Variants in TRPM3 observed in about 807,000 individuals in gnomAD.
TRPM3 encodes the protein transient receptor potential cation channel subfamily M member 3.
Under a neutral mutation model 181.2 loss-of-function variants are expected in TRPM3, and 77 were observed. The ratio of observed to expected loss-of-function variants is 0.42; its 90% CI spans 0.35 to 0.51. The LOEUF is 0.51. Ranked by LOEUF, TRPM3 falls within the 20% of genes least tolerant of loss-of-function variation. The probability of loss-of-function intolerance (pLI) is 0.01; values close to 1 mark genes in which losing one functional copy is unlikely to be tolerated. For synonymous variants in TRPM3, 745 were observed against 796.4 expected (o/e 0.94, Z 1.09); for missense variants, 1,759 against 2,196.7 (o/e 0.80, Z 3.98).
intron 8 of TRPM3, among the ~76,000 whole-genome samples, chr9:70,755,625 C>G (rs1664539061): frequency 6.6e-6 from 1 of 152,048 alleles, no homozygotes; most frequent in Admixed American, 6.6e-5. Flanking sequence ...CCTCGGCCTC[C>G]CAAAGTGCTG....
chr9:71,289,158 T>TGA (rs369616489), intron 1 of TRPM3, among the ~76,000 whole-genome samples: 24,009 of 145,648 alleles, frequency 0.16, 2,002 homozygotes, highest in Non-Finnish European at 0.2. Flanking sequence ...AACAAAACAG[T>TGA]GAGAGAGAGA....
chr9:71,380,651 T>C (rs2092778197), intron 1 of TRPM3, among the ~76,000 whole-genome samples: 1 of 152,102 alleles, frequency 6.6e-6, no homozygotes, highest in African/African-American at 2.4e-5. Flanking sequence ...CTGATTATTA[T>C]TTCATATTAT....
intron 1 of TRPM3, among the ~76,000 whole-genome samples, chr9:71,075,420 A>T (rs2063325931): frequency 6.6e-6 from 1 of 152,180 alleles, no homozygotes; most frequent in South Asian, 2.1e-4. Context: ...AGTAGGGGCT[A>T]ATGTTAGAAG....
chr9:70,853,724 A>C (rs1589253253), intron 3 of TRPM3, among the ~76,000 whole-genome samples: 1 of 152,224 alleles, frequency 6.6e-6, no homozygotes, highest in African/African-American at 2.4e-5. Flanking sequence ...TGCAAGTAGC[A>C]CAAACAACGG....
chr9:71,253,927 AT>A (rs1216253198), intron 1 of TRPM3, among the ~76,000 whole-genome samples: 1 of 151,952 alleles, frequency 6.6e-6, no homozygotes, highest in Admixed American at 6.6e-5. Context: ...TGGATAAATT[AT>A]TATTATTATT....
chr9:70,548,590 C>T (rs944131543), intron 25 of TRPM3, among the ~76,000 whole-genome samples: 3 of 152,166 alleles, frequency 2.0e-5, no homozygotes, highest in Non-Finnish European at 4.4e-5. Context: ...TATGTTAGGC[C>T]TTTCTACACT....
chr9:70,606,313 A>AT (rs1564528094), intron 19 of TRPM3, among the ~76,000 whole-genome samples: 1 of 151,666 alleles, frequency 6.6e-6, no homozygotes, highest in Non-Finnish European at 1.5e-5. Context: ...CTTCCCTTTG[A>AT]TCCCCAATTA....
intron 22 of TRPM3, among the ~76,000 whole-genome samples, chr9:70,587,209 A>G (rs927500569): frequency 6.6e-6 from 1 of 152,210 alleles, no homozygotes; most frequent in African/African-American, 2.4e-5. Context: ...TTAAGTTGTC[A>G]TGGTAGAAAG....
intron 7 of TRPM3, among the ~76,000 whole-genome samples, chr9:70,767,322 G>A (rs2079337361): frequency 6.6e-6 from 1 of 152,150 alleles, no homozygotes; most frequent in South Asian, 2.1e-4. Context: ...ACATCTGCTT[G>A]CTCATTCATT....
intron 1 of TRPM3, among the ~76,000 whole-genome samples, chr9:71,332,699 C>A (rs1216769171): frequency 6.6e-6 from 1 of 151,632 alleles, no homozygotes; most frequent in Non-Finnish European, 1.5e-5. Context: ...CACCATTGAG[C>A]ATTCATATAC....
intron 8 of TRPM3, among the ~76,000 whole-genome samples, chr9:70,740,163 G>A (rs2073739349): frequency 6.6e-6 from 1 of 152,068 alleles, no homozygotes; most frequent in Admixed American, 6.6e-5. Flanking sequence ...CAGTAGCTCT[G>A]CCATACACCA....
intron 1 of TRPM3, among the ~76,000 whole-genome samples, chr9:71,205,119 T>C (rs1017532593): frequency 3.3e-5 from 5 of 151,916 alleles, no homozygotes; most frequent in African/African-American, 4.8e-5. Flanking sequence ...TGTTAAATGA[T>C]GAGTTAATGG....
intron 1 of TRPM3, among the ~76,000 whole-genome samples, chr9:70,878,406 T>G (rs76803065): frequency 0.057 from 8,706 of 152,110 alleles, 327 homozygotes; most frequent in African/African-American, 0.096. Context: ...ATTTTTTAAT[T>G]AATTCACTCA....
At chr9:70,697,641 T>A (rs1350019223) in intron 8 of TRPM3, among the ~76,000 whole-genome samples, 1 of 152,178 alleles carries the variant, frequency 6.6e-6, no homozygotes, top group African/African-American at 2.4e-5. Flanking sequence ...AGAGGAGTAA[T>A]TCTTTCCTCT....
chr9:70,900,395 TAAGG>T lies in TRPM3; in HGVS notation c.178-35888_178-35885del, dbSNP rs1401105054. On this transcript the variant is annotated intron_variant, in intron 1 of 25. Transcript: ENST00000677713. The stretch of plus-strand genomic sequence containing the variant: ...ACAAAAAAAAACTTATTACAGAGAT[TAAGG>T]AAGTAAAAAAAATAATTGTAGTGAC... Among the ~76,000 whole-genome samples, 6 of 151,310 alleles carry T rather than the reference TAAGG, an allele frequency of 4.0e-5. No homozygotes were observed. In the East Asian group the frequency reaches 7.8e-4, roughly 20 times the overall value.
At chr9:71,167,423 GAAT>G (rs150180567) in intron 1 of TRPM3, among the ~76,000 whole-genome samples, 20,381 of 152,136 alleles carry the variant, frequency 0.13, 1,740 homozygotes, top group Non-Finnish European at 0.19. Flanking sequence ...GAACTTACCA[GAAT>G]AATGCCTGCC....
intron 1 of TRPM3, among the ~76,000 whole-genome samples, chr9:71,235,727 A>G (rs1304122920): frequency 2.0e-5 from 3 of 152,216 alleles, no homozygotes; most frequent in African/African-American, 7.2e-5. Context: ...CTCAGATATT[A>G]CATCTGCAAT....
intron 1 of TRPM3, among the ~76,000 whole-genome samples, chr9:71,324,039 A>G (rs192032670): frequency 1.3e-5 from 2 of 152,232 alleles, no homozygotes; most frequent in Non-Finnish European, 2.9e-5. Flanking sequence ...TTTATTCCCA[A>G]TGCTCTTTGT....
At chr9:71,360,223 T>C (rs1367366465) in intron 1 of TRPM3, among the ~76,000 whole-genome samples, 1 of 152,184 alleles carries the variant, frequency 6.6e-6, no homozygotes, top group Non-Finnish European at 1.5e-5. Flanking sequence ...GTAGCCAATG[T>C]CCTAGCCCAA....
Sources: allele counts gnomAD v4.1 joint callset (sites outside exome capture counted in the v4.1 genomes callset), GRCh38; gene constraint gnomAD v4.1.1; transcripts MANE v1.5; gene names NCBI Gene and HGNC (gene_info 2026-07-23, HGNC 2026-07-21).